The following ZNF26 variants were observed in gnomAD, a reference collection of about 807,000 sequenced individuals.
The protein encoded by ZNF26 is epididymis luminal protein 179.
Under a neutral mutation model 54.9 loss-of-function variants are expected in ZNF26, and 32 were observed. The observed-to-expected ratio is 0.58, with a 90% CI of 0.44 to 0.78. The LOEUF is 0.78. ZNF26 is among the 30% of genes least tolerant of loss of function. The pLI is 0.00. For synonymous variants in ZNF26, 221 were observed against 209.2 expected, an observed-to-expected ratio of 1.06 and a Z score of -0.49; for missense variants, 524 against 634.0, an observed-to-expected ratio of 0.83 and a Z score of 1.86.
chr12:133,015,601 T>C lies in ZNF26; in HGVS notation c.*4120T>C, dbSNP rs954047702. On this transcript the variant is annotated 3_prime_UTR_variant, in exon 4 of 4. Coordinates refer to ENST00000328654, the MANE Select transcript of ZNF26 (RefSeq NM_019591.4). ...AGGTTGAGGATGCAGTGAGCCATGA[T>C]TGTGTTTCAGCCTGGATGACAGGGC... 2.0e-5 allele frequency: 3 copies of C among 152,302 alleles called. No individual in the cohort carries two copies. The highest frequency in any genetic ancestry group is 7.2e-5 in the African/African-American group (3 of 41,566). The allele number at this position is 152,302 out of a possible 1,614,324, so 9.4% of individuals were successfully genotyped here.
rs1953474615 is a variant in ZNF26, at chr12:133,011,589, G to C, written c.*108G>C. On this transcript the variant is annotated 3_prime_UTR_variant, in exon 4 of 4. Transcript: ENST00000328654. ...AAAATTACACTCATGTCAAAAATCA[G>C]AGAGGAGAGAGACCAACCATATTTG... 7.8e-6 allele frequency: 9 copies of C among 1,148,692 alleles called. No homozygotes were observed. In the South Asian group the frequency reaches 1.8e-4, roughly 23 times the overall value. 71.2% of individuals were successfully genotyped at this position (1,148,692 alleles called of 1,614,324 possible).
Position 133,011,296 on chromosome 12 carries a change from C to T in ZNF26, c.1417C>T (p.Gln473Ter). 6.2e-7 allele frequency: 1 copy of T among 1,613,964 alleles called. No individual in the cohort carries two copies. The highest frequency in any genetic ancestry group is 8.5e-7 in the Non-Finnish European group (1 of 1,179,958). ...TAGGAAGGCATCACTTCAGATACAC[C>T]AGAAAACTCATTCGGGAGAGAAACC... ...YPRKASLQIH[Q>*]KTHSGEKPFK... Residue 473 changes from glutamine (Q) to a stop codon, truncating the protein, a stop_gained, in exon 4 of 4, where the codon CAG becomes TAG. Transcript: ENST00000328654. LOFTEE classifies it high-confidence loss of function.
At position 133,017,499 on chromosome 12, in the gene ZNF26, AGT is replaced by A. The variant is rs1225585351; in HGVS notation, c.*6021_*6022del. ...ATCTGGTAGTGATTCCTCAATAGGGAGTGTACACAGGTCCAAGAGCCAAGGAG... is the reference window on the plus strand; with the variant it reads ...ATCTGGTAGTGATTCCTCAATAGGGAGTACACAGGTCCAAGAGCCAAGGAG... On this transcript the variant is annotated 3_prime_UTR_variant, in exon 4 of 4. Coordinates refer to ENST00000328654, the MANE Select transcript of ZNF26 (RefSeq NM_019591.4). The A allele has an allele frequency of 6.7e-6, 1 of 149,936 alleles. No homozygotes were observed. The highest frequency in any genetic ancestry group is 1.5e-5 in the Non-Finnish European group (1 of 68,040). The allele number at this position is 149,936 out of a possible 1,614,324, so 9.3% of individuals were successfully genotyped here.
chr12:133,011,157 T>A lies in ZNF26; in HGVS notation c.1278T>A (p.Tyr426Ter). Residue 426 changes from tyrosine to a stop codon, truncating the protein, a stop_gained, in exon 4 of 4, where the codon TAT becomes TAA. Coordinates refer to ENST00000328654, the MANE Select transcript of ZNF26 (RefSeq NM_019591.4). LOFTEE classifies it high-confidence loss of function. ...GAACACACACCGGAGAGAGACCCTA[T>A]GAATGTAGTTTGTGTGAGAGAGCCT... The part of the protein sequence containing the change: ...HRRTHTGERP[Y>*]ECSLCERAFC... 1 of 1,614,130 alleles carries A rather than the reference T, an allele frequency of 6.2e-7. No individual in the cohort carries two copies. The highest frequency in any genetic ancestry group is 8.5e-7 in the Non-Finnish European group (1 of 1,180,018).
rs1953526666 is a variant in ZNF26 at position 133,013,763 on chromosome 12, G to C, written c.*2282G>C. 1 of 157,562 alleles carries C rather than the reference G, an allele frequency of 6.3e-6. No homozygotes were observed. Among genetic ancestry groups the C allele is most frequent in the African/African-American group, 2.4e-5 (1 of 41,438 alleles). 9.8% of individuals were successfully genotyped at this position (157,562 alleles called of 1,614,324 possible). A position where few individuals can be genotyped will look rare whatever the true frequency, so the allele number is the denominator to read the frequency against. ...AAACTCTTCTGATAGACTTTGAATA[G>C]GAGTATCTGGGAAGAACCTGAGGAC... On this transcript the variant is annotated 3_prime_UTR_variant, in exon 4 of 4. Transcript: ENST00000328654.
intron 1 of ZNF26, among the ~76,000 whole-genome samples, chr12:132,989,361 A>C (rs75696601): frequency 0.019 from 2,957 of 152,212 alleles, 100 homozygotes; most frequent in African/African-American, 0.068. Flanking sequence ...GACTTTGCAC[A>C]ATTATGCCAT....
chr12:132,993,990 G>C (rs1448274168), intron 1 of ZNF26, among the ~76,000 whole-genome samples: 1 of 152,066 alleles, frequency 6.6e-6, no homozygotes, highest in Admixed American at 6.6e-5. Context: ...CCATCTCTTA[G>C]ATGGGACAGG....
chr12:133,015,539 T>C lies in ZNF26; in HGVS notation c.*4058T>C, dbSNP rs896752655. Reference sequence around the variant, plus strand: ...GATGCTTTCCTATGGTCCCAGCTACTTGGGAGGCTGAGGCAGGAGTGTCGC... The same window carrying C: ...GATGCTTTCCTATGGTCCCAGCTACCTGGGAGGCTGAGGCAGGAGTGTCGC... On this transcript the variant is annotated 3_prime_UTR_variant, in exon 4 of 4. Transcript: ENST00000328654. 4.6e-5 allele frequency: 7 copies of C among 152,058 alleles called. No individual in the cohort carries two copies. Among genetic ancestry groups the C allele is most frequent in the Non-Finnish European group, 7.4e-5 (5 of 68,014 alleles). The allele number at this position is 152,058 out of a possible 1,614,324, so 9.4% of individuals were successfully genotyped here.
intron 1 of ZNF26, among the ~76,000 whole-genome samples, chr12:132,993,603 A>C (rs949860667): frequency 6.7e-6 from 1 of 150,348 alleles, no homozygotes; most frequent in Non-Finnish European, 1.5e-5. Flanking sequence ...CTACAGGTGC[A>C]CTCCACCATG....
rs1953024282 is a variant in ZNF26 at position 132,994,176 on chromosome 12, A to G, written c.33+7303A>G. 4.6e-5 allele frequency among the ~76,000 whole-genome samples: 7 copies of G among 152,286 alleles called. No homozygotes were observed. In the South Asian group the frequency reaches 8.3e-4, roughly 18 times the overall value. On this transcript the variant is annotated intron_variant, in intron 1 of 3. Coordinates refer to ENST00000328654, the MANE Select transcript of ZNF26 (RefSeq NM_019591.4). ...CCCCCTGGACTTTTTAACTTCAAAC[A>G]TGTACACACCTAGCCTCTAGCAATT...
In ZNF26 at chr12:132,986,583, C is replaced by G. The variant is rs1952823783; in HGVS notation, c.-258C>G. ...CGGGGCCAGATCAGCCTCCTGCTCT[C>G]CCGAGTCAGGGCCACGGAAAGGCAC... On this transcript the variant is annotated 5_prime_UTR_variant, in exon 1 of 4. Coordinates refer to ENST00000328654, the MANE Select transcript of ZNF26 (RefSeq NM_019591.4). 1.7e-6 allele frequency: 1 copy of G among 575,342 alleles called. No homozygotes were observed. The highest frequency in any genetic ancestry group is 2.9e-5 in the East Asian group (1 of 34,908). The allele number at this position is 575,342 out of a possible 1,614,324, so 35.6% of individuals were successfully genotyped here.
rs1952831521 is a variant in ZNF26 at position 132,986,795 on chromosome 12, C to A, written c.-46C>A. 1 of 1,575,172 alleles carries A rather than the reference C, an allele frequency of 6.3e-7. No individual in the cohort carries two copies. Among genetic ancestry groups the A allele is most frequent in the Non-Finnish European group, 8.6e-7 (1 of 1,159,566 alleles). ...GCATCCCTCACGGTCTCTCCGCAGCCCGCGGGTCCTGCCCCCGCAGGCAGC... is the reference window on the plus strand; with the variant it reads ...GCATCCCTCACGGTCTCTCCGCAGCACGCGGGTCCTGCCCCCGCAGGCAGC... On this transcript the variant is annotated 5_prime_UTR_variant, in exon 1 of 4. Coordinates refer to ENST00000328654, the MANE Select transcript of ZNF26 (RefSeq NM_019591.4).
In ZNF26 at chr12:133,020,145, A is replaced by T. The variant is rs1456295102; in HGVS notation, c.*8664A>T. The T allele has an allele frequency of 6.6e-6, 1 of 152,198 alleles. No homozygotes were observed. The highest frequency in any genetic ancestry group is 1.5e-5 in the Non-Finnish European group (1 of 68,052). 9.4% of individuals were successfully genotyped at this position (152,198 alleles called of 1,614,324 possible). ...AGAGCCCATCAACAAATGGATAAAG[A>T]AAGTGTGATATATATAAACACAGTC... On this transcript the variant is annotated 3_prime_UTR_variant, in exon 4 of 4. Transcript: ENST00000328654.
intron 1 of ZNF26, among the ~76,000 whole-genome samples, chr12:133,003,627 A>C (rs1953266243): frequency 6.6e-6 from 1 of 152,170 alleles, no homozygotes; most frequent in Non-Finnish European, 1.5e-5. Flanking sequence ...AGAGGAGGAT[A>C]CTGATAATCA....
At position 133,025,435 on chromosome 12, in the gene ZNF26, G is replaced by T. The variant is rs1307069363; in HGVS notation, c.*13954G>T. On this transcript the variant is annotated 3_prime_UTR_variant, in exon 4 of 4. Coordinates refer to ENST00000328654, the MANE Select transcript of ZNF26 (RefSeq NM_019591.4). ...AACGGGATGAGACATTGGGATCTTG[G>T]GGGAGGAGATGGCTGTACTTTGCAT... 2 of 152,162 alleles carry T rather than the reference G, an allele frequency of 1.3e-5. No homozygotes were observed. Among genetic ancestry groups the T allele is most frequent in the African/African-American group, 2.4e-5 (1 of 41,420 alleles). 9.4% of individuals were successfully genotyped at this position (152,162 alleles called of 1,614,324 possible). A position where few individuals can be genotyped will look rare whatever the true frequency, so the allele number is the denominator to read the frequency against.
Position 133,023,180 on chromosome 12 carries a change from T to C in ZNF26, c.*11699T>C, listed in dbSNP as rs1455384021. On this transcript the variant is annotated 3_prime_UTR_variant, in exon 4 of 4. Coordinates refer to ENST00000328654, the MANE Select transcript of ZNF26 (RefSeq NM_019591.4). ...TAACCATACGCCAGTCAAATAAAAATAGATAACACATTTTTCAGTTTTCTA... is the reference window on the plus strand; with the variant it reads ...TAACCATACGCCAGTCAAATAAAAACAGATAACACATTTTTCAGTTTTCTA... 6.6e-6 allele frequency: 1 copy of C among 152,118 alleles called. No homozygotes were observed. The highest frequency in any genetic ancestry group is 2.4e-5 in the African/African-American group (1 of 41,426). The allele number at this position is 152,118 out of a possible 1,614,324, so 9.4% of individuals were successfully genotyped here.
chr12:133,004,726 C>G (rs1331447402), intron 1 of ZNF26: 2 of 152,184 alleles, frequency 1.3e-5, no homozygotes, highest in African/African-American at 4.8e-5. Flanking sequence ...CTCAAGTGAT[C>G]CTCCCGCCTC....
In ZNF26 at chr12:133,023,760, A is replaced by G. The variant is rs1462446376; in HGVS notation, c.*12279A>G. ...CTTGTGAGTCACTTGTAGCCAAAAG[A>G]ATGTGGAGGAAGTGATCATGTAACT... On this transcript the variant is annotated 3_prime_UTR_variant, in exon 4 of 4. Coordinates refer to ENST00000328654, the MANE Select transcript of ZNF26 (RefSeq NM_019591.4). 1 of 152,212 alleles carries G rather than the reference A, an allele frequency of 6.6e-6. No individual in the cohort carries two copies. The highest frequency in any genetic ancestry group is 2.4e-5 in the African/African-American group (1 of 41,454). 9.4% of individuals were successfully genotyped at this position (152,212 alleles called of 1,614,324 possible).
rs1953506452 is a variant in ZNF26, at chr12:133,012,609, T to TTTTTTTG, written c.*1128_*1129insTTTTTTG. On this transcript the variant is annotated 3_prime_UTR_variant, in exon 4 of 4. Transcript: ENST00000328654. ...TTTTTTTTTTTTTTTTTTTTTTTTT[T>TTTTTTTG]GAGACTAAGTTTCACTCTTGTCCTC... The TTTTTTTG allele has an allele frequency of 2.8e-5, 4 of 142,338 alleles. No individual in the cohort carries two copies. Among genetic ancestry groups the TTTTTTTG allele is most frequent in the Non-Finnish European group, 3.0e-5 (2 of 65,940 alleles). The allele number at this position is 142,338 out of a possible 1,614,324, so 8.8% of individuals were successfully genotyped here.
Sources: gnomAD v4.1 joint callset for allele counts (sites outside exome capture counted in the v4.1 genomes callset) on GRCh38, gnomAD v4.1.1 for gene constraint, MANE v1.5 for transcripts, NCBI Gene and HGNC (gene_info 2026-07-23, HGNC 2026-07-21) for gene names.